Variants in TIGD2 observed in about 807,000 individuals in gnomAD.
TIGD2 encodes tigger transposable element-derived protein 2.
Under a neutral mutation model 27.0 loss-of-function variants are expected in TIGD2, and 14 were observed. That is an observed-to-expected ratio of 0.52 (90% CI 0.34 to 0.81). The LOEUF (loss-of-function observed/expected upper bound fraction) is 0.81, where lower values mean the gene tolerates loss of function less well. TIGD2 is among the 30% of genes least tolerant of loss of function. TIGD2 has a pLI of 0.01. For missense variants in TIGD2, 590 were observed against 617.3 expected (o/e 0.96, Z 0.47); for synonymous variants, 201 against 209.0 (o/e 0.96, Z 0.33).
Position 89,111,897 on chromosome 4 carries a change from G to A in TIGD2, c.-909+14G>A, listed in dbSNP as rs1362433144. ...TAATTTCAGGAGGTAGGCTCTTCAG[G>A]TCCCTCTCTCTGTCACCCCAGATTA... On this transcript the variant is annotated intron_variant, in intron 1 of 1. Coordinates refer to ENST00000603357, the MANE Select transcript of TIGD2 (RefSeq NM_145715.3). 1.3e-5 allele frequency: 2 copies of A among 152,200 alleles called. No individual in the cohort carries two copies. Among genetic ancestry groups the A allele is most frequent in the Non-Finnish European group, 2.9e-5 (2 of 68,032 alleles). The allele number at this position is 152,200 out of a possible 1,614,324, so 9.4% of individuals were successfully genotyped here. A position where few individuals can be genotyped will look rare whatever the true frequency, so the allele number is the denominator to read the frequency against.
rs1721066423 is a variant in TIGD2 at position 89,111,551 on chromosome 4, T to A, written c.-1241T>A. On this transcript the variant is annotated 5_prime_UTR_variant, in exon 1 of 2. Transcript: ENST00000603357. ...GCTCTCTAATCCCCCGCCTTCCGGC[T>A]CCGGCGGCGACGCTCGTCCCTCTCC... is the stretch of plus-strand genomic sequence containing the variant. The A allele has an allele frequency of 2.0e-5, 3 of 152,302 alleles. No individual in the cohort carries two copies. In the South Asian group the frequency reaches 6.2e-4, roughly 32 times the overall value. 9.4% of individuals were successfully genotyped at this position (152,302 alleles called of 1,614,324 possible). A position where few individuals can be genotyped will look rare whatever the true frequency, so the allele number is the denominator to read the frequency against.
Position 89,113,360 on chromosome 4 carries a change from T to C in TIGD2, c.386T>C (p.Phe129Ser). The stretch of plus-strand genomic sequence containing the variant: ...GCATCGTCAGGCTGGCTAACTCGAT[T>C]TAAGCAGCGCCATGGTATTCCAAAG... ...FNASSGWLTR[F>S]KQRHGIPKAA... The change falls in exon 2 of 2, where the codon TTT becomes TCT. Residue 129 changes from phenylalanine (F) to serine (S), a missense_variant. Phe to Ser is a radical substitution (Grantham distance 155). Around this residue, in one of 3 missense-constraint regions of TIGD2, gnomAD observed 47 missense variants for 79.7 expected, o/e 0.59. Transcript: ENST00000603357. 6.2e-7 allele frequency: 1 copy of C among 1,614,200 alleles called. No homozygotes were observed. The highest frequency in any genetic ancestry group is 8.5e-7 in the Non-Finnish European group (1 of 1,180,036).
chr4:89,113,195 C>G lies in TIGD2; in HGVS notation c.221C>G (p.Ser74Ter). 2 of 1,614,060 alleles carry G rather than the reference C, an allele frequency of 1.2e-6. No individual in the cohort carries two copies. Among genetic ancestry groups the G allele is most frequent in the Non-Finnish European group, 1.7e-6 (2 of 1,180,016 alleles). The stretch of plus-strand genomic sequence containing the variant: ...TCCAAACGTAAATCTATGAAGTCAT[C>G]AACATACGAGGAGCTTGATAGAGTT... Reference protein sequence around the residue: ...GVSKRKSMKSSTYEELDRVMI... With the variant: ...GVSKRKSMKS The change falls in exon 2 of 2, where the codon TCA becomes TGA. Residue 74 changes from serine (S) to a stop codon, truncating the protein, a stop_gained. Coordinates refer to ENST00000603357, the MANE Select transcript of TIGD2 (RefSeq NM_145715.3). LOFTEE classifies it high-confidence loss of function.
chr4:89,111,779 C>T lies in TIGD2; in HGVS notation c.-1013C>T, dbSNP rs1037180831. 1 of 152,200 alleles carries T rather than the reference C, an allele frequency of 6.6e-6. No homozygotes were observed. Among genetic ancestry groups the T allele is most frequent in the Non-Finnish European group, 1.5e-5 (1 of 68,016 alleles). 9.4% of individuals were successfully genotyped at this position (152,200 alleles called of 1,614,324 possible). On this transcript the variant is annotated 5_prime_UTR_variant, in exon 1 of 2. Transcript: ENST00000603357. ...CTGGTCGCCGGCGTCCAGGCGGAAT[C>T]CGGGCTCCCTCCGCGGGAGGAAAGA...
At chr4:89,111,310 A>C (rs1374723902), upstream of TIGD2, 1 of 810,162 alleles carries the variant, frequency 1.2e-6, no homozygotes, top group Non-Finnish European at 1.5e-6. Context: ...CGCCAGGACA[A>C]GGCGAGCGTG....
chr4:89,113,818 G>C lies in TIGD2; in HGVS notation c.844G>C (p.Gly282Arg). The change falls in exon 2 of 2, where the codon GGA becomes CGA. Residue 282 changes from glycine to arginine, a missense_variant. Around this residue, in one of 3 missense-constraint regions of TIGD2, gnomAD observed 451 missense variants for 448.0 expected, o/e 1.01. Coordinates refer to ENST00000603357, the MANE Select transcript of TIGD2 (RefSeq NM_145715.3). ...GGTACAGAAGCATTTGAAATCCAAG[G>C]GACTTTTAGAAAAAGCAGTGCTTCT... ...PQVQKHLKSKGLLEKAVLLLD... is the reference protein window; with the variant it reads ...PQVQKHLKSKRLLEKAVLLLD... 2 of 1,614,120 alleles carry C rather than the reference G, an allele frequency of 1.2e-6. No homozygotes were observed. Among genetic ancestry groups the C allele is most frequent in the South Asian group, 1.1e-5 (1 of 91,064 alleles).
Position 89,113,490 on chromosome 4 carries a change from A to C in TIGD2, c.516A>C (p.Gln172His). The change falls in exon 2 of 2, where the codon CAA (glutamine) becomes CAC (histidine). Residue 172 changes from glutamine (Q) to histidine (H), a missense_variant. By Grantham distance (24) the Gln-to-His change is conservative (BLOSUM62 0). Coordinates refer to ENST00000603357, the MANE Select transcript of TIGD2 (RefSeq NM_145715.3). ...AAAAAGAGAATCTACAACCAGAGCA[A>C]ATTTATGGTGCTGATCAAACTGGAT... ...FVEKENLQPE[Q>H]IYGADQTGLF... The C allele has an allele frequency of 6.2e-7, 1 of 1,614,006 alleles. No individual in the cohort carries two copies. The highest frequency in any genetic ancestry group is 1.3e-5 in the African/African-American group (1 of 75,032).
In TIGD2 at chr4:89,113,564, A is replaced by G. The variant is rs1721154019; in HGVS notation, c.590A>G (p.Gln197Arg). ...PSRTLTLETDQSTSGCRSSRE... is the reference protein window; with the variant it reads ...PSRTLTLETDRSTSGCRSSRE... ...AGGACATTAACTCTTGAAACTGACC[A>G]AAGTACTTCTGGGTGTAGGTCAAGC... Residue 197 changes from glutamine to arginine, a missense_variant, in exon 2 of 2, where the codon CAA becomes CGA. Around this residue, in one of 3 missense-constraint regions of TIGD2, gnomAD observed 451 missense variants for 448.0 expected, o/e 1.01. Coordinates refer to ENST00000603357, the MANE Select transcript of TIGD2 (RefSeq NM_145715.3). 2 of 1,614,156 alleles carry G rather than the reference A, an allele frequency of 1.2e-6. No individual in the cohort carries two copies. Among genetic ancestry groups the G allele is most frequent in the East Asian group, 2.2e-5 (1 of 44,882 alleles).
rs769734342 is a variant in TIGD2, at chr4:89,114,270, C to T, written c.1296C>T (p.Phe432=). 16 of 1,614,022 alleles carry T rather than the reference C, an allele frequency of 9.9e-6. No individual in the cohort carries two copies. In the East Asian group the frequency reaches 1.8e-4, roughly 18 times the overall value. The change falls in exon 2 of 2, where the codon TTC becomes TTT. Residue 432 remains phenylalanine, a synonymous_variant. Coordinates refer to ENST00000603357, the MANE Select transcript of TIGD2 (RefSeq NM_145715.3). Reference sequence around the variant, plus strand: ...ACATTGAGAATATTGATCAGTGGTTCGACTCTCGGAGCAGTGACTCAAGCT... The same window carrying T: ...ACATTGAGAATATTGATCAGTGGTTTGACTCTCGGAGCAGTGACTCAAGCT... ...HVDIENIDQW[F]DSRSSDSSCQ... is the part of the protein sequence containing the mutation.
rs1454224698 is a variant in TIGD2, at chr4:89,114,381, A to G, written c.1407A>G (p.Glu469=). The G allele has an allele frequency of 2.5e-6, 4 of 1,614,000 alleles. No homozygotes were observed. The African/African-American group carries it at 5.3e-5, about 22-fold the overall frequency. ...QKPSSKSRKT[E]LNPEKHISHK... is the part of the protein sequence containing the mutation. ...CTTCCAGTAAGAGTAGAAAAACAGA[A>G]CTGAATCCAGAGAAGCATATTAGCC... Residue 469 remains glutamate, a synonymous_variant, in exon 2 of 2, where the codon GAA becomes GAG. Transcript: ENST00000603357.
Position 89,114,496 on chromosome 4 carries a change from A to AGGCTTCGGACCATAAT in TIGD2, c.1523_1538dup (p.Ile513MetfsTer15). 3 of 1,608,910 alleles carry AGGCTTCGGACCATAAT rather than the reference A, an allele frequency of 1.9e-6. No individual in the cohort carries two copies. Among genetic ancestry groups the AGGCTTCGGACCATAAT allele is most frequent in the Non-Finnish European group, 1.7e-6 (2 of 1,175,918 alleles). ...TCTGTCTGATAAATTGGTATTAAGG[A>AGGCTTCGGACCATAAT]GGCTTCGGACCATAATAAGAAAAAA... On this transcript the variant is annotated frameshift_variant, in exon 2 of 2. Transcript: ENST00000603357. LOFTEE classifies it high-confidence loss of function.
Position 89,113,007 on chromosome 4 carries a change from A to C in TIGD2, c.33A>C (p.Thr11=), listed in dbSNP as rs763928205. The C allele has an allele frequency of 5.6e-6, 9 of 1,601,104 alleles. No individual in the cohort carries two copies. In the African/African-American group the frequency reaches 8.1e-5, roughly 14 times the overall value. MLGKRKRVVL[T]IKDKLDIIKK... ...GGAAACGTAAGCGTGTGGTGTTGAC[A>C]ATTAAGGACAAGCTTGACATTATTA... Residue 11 remains threonine (T), a synonymous_variant, in exon 2 of 2, where the codon ACA becomes ACC. Transcript: ENST00000603357.
Position 89,113,853 on chromosome 4 carries a change from C to T in TIGD2, c.879C>T (p.Phe293=), listed in dbSNP as rs2149218463. The change falls in exon 2 of 2, where the codon TTC becomes TTT. Residue 293 remains phenylalanine, a synonymous_variant. Coordinates refer to ENST00000603357, the MANE Select transcript of TIGD2 (RefSeq NM_145715.3). Reference sequence around the variant, plus strand: ...AAAAAGCAGTGCTTCTTTTAGATTTCCCCCCAGCACGTCCAAATGAAGAAA... The same window carrying T: ...AAAAAGCAGTGCTTCTTTTAGATTTTCCCCCAGCACGTCCAAATGAAGAAA... ...LLEKAVLLLD[F]PPARPNEEML... The T allele has an allele frequency of 1.2e-6, 2 of 1,614,130 alleles. No individual in the cohort carries two copies. The highest frequency in any genetic ancestry group is 2.2e-5 in the South Asian group (2 of 91,072).
chr4:89,111,752 T>A lies in TIGD2; in HGVS notation c.-1040T>A, dbSNP rs1027588437. 5 of 152,256 alleles carry A rather than the reference T, an allele frequency of 3.3e-5. No homozygotes were observed. Among genetic ancestry groups the A allele is most frequent in the East Asian group, 3.9e-4 (2 of 5,148 alleles). The allele number at this position is 152,256 out of a possible 1,614,324, so 9.4% of individuals were successfully genotyped here. A position where few individuals can be genotyped will look rare whatever the true frequency, so the allele number is the denominator to read the frequency against. On this transcript the variant is annotated 5_prime_UTR_variant, in exon 1 of 2. Transcript: ENST00000603357. ...TGGCTGGCTGGCTGCAGCAGTGACA[T>A]CCTGGTCGCCGGCGTCCAGGCGGAA...
chr4:89,113,369 G>A lies in TIGD2; in HGVS notation c.395G>A (p.Arg132His), dbSNP rs1721148943. ...GGCTGGCTAACTCGATTTAAGCAGC[G>A]CCATGGTATTCCAAAGGCTGCTGGT... ...SSGWLTRFKQ[R>H]HGIPKAAGKG... Residue 132 changes from arginine to histidine, a missense_variant, in exon 2 of 2, where the codon CGC (arginine) becomes CAC (histidine). This residue lies in a region of TIGD2 where 47 missense variants were observed against 79.7 expected (regional missense o/e 0.59). Transcript: ENST00000603357. The A allele has an allele frequency of 6.2e-7, 1 of 1,613,990 alleles. No homozygotes were observed. Among genetic ancestry groups the A allele is most frequent in the South Asian group, 1.1e-5 (1 of 91,076 alleles).
chr4:89,113,572 T>C lies in TIGD2; in HGVS notation c.598T>C (p.Ser200Pro). 2 of 1,614,120 alleles carry C rather than the reference T, an allele frequency of 1.2e-6. No homozygotes were observed. Among genetic ancestry groups the C allele is most frequent in the Non-Finnish European group, 1.7e-6 (2 of 1,180,040 alleles). Residue 200 changes from serine (S) to proline (P), a missense_variant, in exon 2 of 2, where the codon TCT (serine) becomes CCT (proline). By Grantham distance (74) the Ser-to-Pro change is moderately conservative (BLOSUM62 -1). Coordinates refer to ENST00000603357, the MANE Select transcript of TIGD2 (RefSeq NM_145715.3). ...AACTCTTGAAACTGACCAAAGTACT[T>C]CTGGGTGTAGGTCAAGCAGAGAGAG... ...TLTLETDQST[S>P]GCRSSRERII...
Position 89,113,500 on chromosome 4 carries a change from G to A in TIGD2, c.526G>A (p.Ala176Thr), listed in dbSNP as rs1428554589. Residue 176 changes from alanine to threonine, a missense_variant, in exon 2 of 2, where the codon GCT (alanine) becomes ACT (threonine). Around this residue, in one of 3 missense-constraint regions of TIGD2, gnomAD observed 451 missense variants for 448.0 expected, o/e 1.01. Coordinates refer to ENST00000603357, the MANE Select transcript of TIGD2 (RefSeq NM_145715.3). Reference sequence around the variant, plus strand: ...TCTACAACCAGAGCAAATTTATGGTGCTGATCAAACTGGATTGTTTTGGAA... The same window carrying A: ...TCTACAACCAGAGCAAATTTATGGTACTGATCAAACTGGATTGTTTTGGAA... ...ENLQPEQIYG[A>T]DQTGLFWKCL... is the part of the protein sequence containing the mutation. The A allele has an allele frequency of 1.2e-6, 2 of 1,613,926 alleles. No individual in the cohort carries two copies. Among genetic ancestry groups the A allele is most frequent in the African/African-American group, 2.7e-5 (2 of 75,032 alleles).
At position 89,113,586 on chromosome 4, in the gene TIGD2, A is replaced by G. The variant is rs1721154619; in HGVS notation, c.612A>G (p.Ser204=). The G allele has an allele frequency of 1.2e-6, 2 of 1,613,658 alleles. No homozygotes were observed. The highest frequency in any genetic ancestry group is 4.5e-5 in the East Asian group (2 of 44,844). The change falls in exon 2 of 2, where the codon TCA becomes TCG. Residue 204 remains serine, a synonymous_variant. Coordinates refer to ENST00000603357, the MANE Select transcript of TIGD2 (RefSeq NM_145715.3). ...ETDQSTSGCR[S]SRERIIIMCC... ...ACCAAAGTACTTCTGGGTGTAGGTCAAGCAGAGAGAGAATCATCATTATGT... is the reference window on the plus strand; with the variant it reads ...ACCAAAGTACTTCTGGGTGTAGGTCGAGCAGAGAGAGAATCATCATTATGT...
At position 89,111,751 on chromosome 4, in the gene TIGD2, A is replaced by G. The variant is rs980090753; in HGVS notation, c.-1041A>G. The G allele has an allele frequency of 2.6e-5, 4 of 152,274 alleles. No individual in the cohort carries two copies. Among genetic ancestry groups the G allele is most frequent in the East Asian group, 1.9e-4 (1 of 5,152 alleles). The allele number at this position is 152,274 out of a possible 1,614,324, so 9.4% of individuals were successfully genotyped here. ...CTGGCTGGCTGGCTGCAGCAGTGAC[A>G]TCCTGGTCGCCGGCGTCCAGGCGGA... is the stretch of plus-strand genomic sequence containing the variant. On this transcript the variant is annotated 5_prime_UTR_variant, in exon 1 of 2. Transcript: ENST00000603357.
Sources: allele counts gnomAD v4.1 joint callset, GRCh38; gene constraint gnomAD v4.1.1; regional missense constraint gnomAD v4.1.1; transcripts MANE v1.5; gene names NCBI Gene and HGNC (gene_info 2026-07-23, HGNC 2026-07-21).